SATL1: variants seen among roughly 807,000 people sequenced by gnomAD.
The protein encoded by SATL1 is spermidine/spermine N1-acetyl transferase like 1.
Under a neutral mutation model 51.8 loss-of-function variants are expected in SATL1, and 47 were observed. That is an observed-to-expected ratio of 0.91 (90% CI 0.72 to 1.16). The LOEUF is 1.16. Among genes scored for constraint, SATL1 ranks in the 50% most tolerant of loss-of-function variants. The pLI, the probability that SATL1 is intolerant of heterozygous loss-of-function variation, is 0.00. For synonymous variants in SATL1, 176 were observed against 182.4 expected, an observed-to-expected ratio of 0.97 and a Z score of 0.28; for missense variants, 520 against 526.4, an observed-to-expected ratio of 0.99 and a Z score of 0.12.
rs367781953 is a variant in SATL1, at chrX:85,106,773, G to A, written c.1641+555C>T. On this transcript the variant is annotated intron_variant, in intron 3 of 7. Coordinates refer to ENST00000644105, the MANE Select transcript of SATL1 (RefSeq NM_001367857.2). ...CCTTGGCTCCTGGGGGCTGTCTGTG[G>A]ATGGGCTTCAGTGATCAATGAACTG... Among the ~76,000 whole-genome samples, 68 of 111,882 alleles carry A rather than the reference G, an allele frequency of 6.1e-4. No individual in the cohort carries two copies. The East Asian group carries it at 0.017, about 27-fold the overall frequency.
intron 1 of SATL1, among the ~76,000 whole-genome samples, chrX:85,238,639 C>T (rs948681178): frequency 9.0e-6 from 1 of 111,360 alleles, no homozygotes; most frequent in African/African-American, 3.3e-5. Context: ...TGAAAAAGAG[C>T]TGGTGTCTGG....
At chrX:85,116,564 T>C (rs1230130181) in intron 2 of SATL1, among the ~76,000 whole-genome samples, 1 of 111,721 alleles carries the variant, frequency 9.0e-6, no homozygotes, top group Non-Finnish European at 1.9e-5. Flanking sequence ...ACCAGCCAAA[T>C]GTTACTAGAA....
chrX:85,220,396 A>G (rs984579533), intron 2 of SATL1, among the ~76,000 whole-genome samples: 2 of 108,871 alleles, frequency 1.8e-5, no homozygotes, highest in African/African-American at 3.3e-5. Flanking sequence ...GAGGGCGCAT[A>G]TGACCTGCTG....
Position 85,161,330 on chromosome X carries a change from G to A in SATL1, c.-312-52050C>T, listed in dbSNP as rs989410626. On this transcript the variant is annotated intron_variant, in intron 2 of 7. Transcript: ENST00000644105. ...ATCAATACTAACCTTCAATGCAAATGGGCAAAATGCCCCAATTTAAAAGGC... is the reference window on the plus strand; with the variant it reads ...ATCAATACTAACCTTCAATGCAAATAGGCAAAATGCCCCAATTTAAAAGGC... Among the ~76,000 whole-genome samples, 20 of 110,783 alleles carry A rather than the reference G, an allele frequency of 1.8e-4. No individual in the cohort carries two copies. In the Admixed American group the frequency reaches 1.9e-3, roughly 11 times the overall value.
intron 2 of SATL1, among the ~76,000 whole-genome samples, chrX:85,160,602 C>T (rs959069469): frequency 7.3e-5 from 8 of 109,986 alleles, no homozygotes; most frequent in African/African-American, 2.7e-4. Context: ...TGAAGACTGG[C>T]TTTCTAAGAC....
At chrX:85,225,726 T>C (rs1309215558) in intron 1 of SATL1, among the ~76,000 whole-genome samples, 1 of 111,781 alleles carries the variant, frequency 8.9e-6, no homozygotes, top group African/African-American at 3.3e-5. Context: ...ACAAAGTTCA[T>C]ATGCAAGAAA....
chrX:85,186,919 T>C (rs1927324645), intron 2 of SATL1, among the ~76,000 whole-genome samples: 2 of 111,718 alleles, frequency 1.8e-5, no homozygotes, highest in Non-Finnish European at 1.9e-5. Context: ...TTCTGTCACA[T>C]GTAGTTTGAT....
intron 2 of SATL1, chrX:85,211,680 C>G (rs1360870977): frequency 9.0e-6 from 1 of 111,170 alleles, no homozygotes; most frequent in Non-Finnish European, 1.9e-5. Flanking sequence ...TGAAACGTAT[C>G]TTCAATTTGC....
intron 2 of SATL1, among the ~76,000 whole-genome samples, chrX:85,197,230 T>G (rs1815105347): frequency 8.9e-6 from 1 of 111,734 alleles, no homozygotes; most frequent in African/African-American, 3.2e-5. Context: ...TTTTAATTTT[T>G]AATTTTTCTG....
chrX:85,128,170 G>T (rs1602852065), intron 2 of SATL1, among the ~76,000 whole-genome samples: 1 of 111,617 alleles, frequency 9.0e-6, no homozygotes, highest in East Asian at 2.8e-4. Flanking sequence ...CCAGTAATGG[G>T]ATAGCTGGGT....
At chrX:85,169,472 G>T (rs1489268032) in intron 2 of SATL1, among the ~76,000 whole-genome samples, 2 of 110,137 alleles carry the variant, frequency 1.8e-5, no homozygotes, top group East Asian at 5.7e-4. Context: ...GACAAGAAAA[G>T]ACACTTTTCA....
chrX:85,150,336 C>T (rs185203173), intron 2 of SATL1, among the ~76,000 whole-genome samples: 66 of 110,203 alleles, frequency 6.0e-4, no homozygotes, highest in African/African-American at 2.1e-3. Context: ...GCTTACCAAC[C>T]AAAAAGAGTC....
intron 2 of SATL1, among the ~76,000 whole-genome samples, chrX:85,135,732 C>T (rs1370686759): frequency 1.9e-5 from 2 of 107,728 alleles, no homozygotes; most frequent in Non-Finnish European, 3.8e-5. Flanking sequence ...CACTCACCAC[C>T]GTGCTCGAGT....
chrX:85,238,875 A>C (rs2147768805), intron 1 of SATL1, among the ~76,000 whole-genome samples: 1 of 111,077 alleles, frequency 9.0e-6, no homozygotes, highest in African/African-American at 3.3e-5. Context: ...TAAATACAAA[A>C]AAATACAATA....
chrX:85,137,667 C>T (rs2147711455), intron 2 of SATL1, among the ~76,000 whole-genome samples: 1 of 111,732 alleles, frequency 8.9e-6, no homozygotes, highest in African/African-American at 3.2e-5. Context: ...TTAGTATTCT[C>T]TGAGATTCCT....
chrX:85,220,675 A>C (rs1026346792), intron 2 of SATL1, among the ~76,000 whole-genome samples: 1 of 83,249 alleles, frequency 1.2e-5, no homozygotes, highest in African/African-American at 5.3e-5. Context: ...AAAAAAAAAA[A>C]AAAAAAAAAA....
chrX:85,115,489 G>A (rs1160076022), intron 2 of SATL1, among the ~76,000 whole-genome samples: 1 of 112,436 alleles, frequency 8.9e-6, no homozygotes, highest in Non-Finnish European at 1.9e-5. Context: ...GAGGTCATCT[G>A]AGCTGGTAGG....
intron 2 of SATL1, among the ~76,000 whole-genome samples, chrX:85,183,875 T>C (rs1011182179): frequency 9.0e-6 from 1 of 111,723 alleles, no homozygotes; most frequent in Non-Finnish European, 1.9e-5. Context: ...TATCAAATAC[T>C]AGATCTTATT....
At chrX:85,193,585 T>C (rs1927487648) in intron 2 of SATL1, among the ~76,000 whole-genome samples, 1 of 111,733 alleles carries the variant, frequency 8.9e-6, no homozygotes, top group African/African-American at 3.3e-5. Context: ...ACTTGTGTCA[T>C]GATGGATTGT....
Sources: gnomAD v4.1 joint callset for allele counts (sites outside exome capture counted in the v4.1 genomes callset) on GRCh38, gnomAD v4.1.1 for gene constraint, MANE v1.5 for transcripts, NCBI Gene and HGNC (gene_info 2026-07-23, HGNC 2026-07-21) for gene names.